The following ZNF143 variants were observed in gnomAD, a reference collection of about 807,000 sequenced individuals.
The protein encoded by ZNF143 is zinc finger protein 143.
In ZNF143, 49 loss-of-function variants were observed where a neutral mutation model predicts 74.1. The observed-to-expected ratio is 0.66, with a 90% CI of 0.53 to 0.84. The LOEUF is 0.84. Among genes scored for constraint, ZNF143 ranks in the 40% least tolerant of loss-of-function variants. The pLI is 0.00. For missense variants in ZNF143, 637 were observed against 793.4 expected (o/e 0.80, Z 2.37); for synonymous variants, 304 against 282.8 (o/e 1.07, Z -0.75).
chr11:9,520,504 A>G (rs1360310905), intron 14 of ZNF143, among the ~76,000 whole-genome samples: 1 of 151,914 alleles, frequency 6.6e-6, no homozygotes, highest in Non-Finnish European at 1.5e-5. Context: ...AAAAAAAATA[A>G]AAAAGAGGCC....
Position 9,528,063 on chromosome 11 carries a change from C to G in ZNF143, c.*450C>G, listed in dbSNP as rs1469503052. 6.5e-6 allele frequency: 1 copy of G among 153,410 alleles called. No individual in the cohort carries two copies. 9.5% of individuals were successfully genotyped at this position (153,410 alleles called of 1,614,324 possible). On this transcript the variant is annotated 3_prime_UTR_variant, in exon 16 of 16. Coordinates refer to ENST00000396602, the MANE Select transcript of ZNF143 (RefSeq NM_003442.6). ...GGGTGTAAAGCCTTCAGATATTTCC[C>G]CAGTTAGTAGAGTGTCTGCGGTTTT...
intron 1 of ZNF143, among the ~76,000 whole-genome samples, chr11:9,464,100 G>C (rs983845177): frequency 6.6e-6 from 1 of 151,628 alleles, no homozygotes; most frequent in Non-Finnish European, 1.5e-5. Flanking sequence ...GTGTGTGTGT[G>C]TGTGTGTGTG....
At chr11:9,510,555 G>T (rs939315118) in intron 12 of ZNF143, among the ~76,000 whole-genome samples, 2 of 152,178 alleles carry the variant, frequency 1.3e-5, no homozygotes, top group Non-Finnish European at 2.9e-5. Context: ...GATCCACTGG[G>T]TTTTGTAACC....
At position 9,472,450 on chromosome 11, in the gene ZNF143, C is replaced by T. The variant is rs186478935; in HGVS notation, c.113-227C>T. ...TATATTTTTAGTAGAGACGGGGTTT[C>T]ACCTCATTGGCCAGGCTGGTGTCGA... On this transcript the variant is annotated intron_variant, in intron 2 of 15. Coordinates refer to ENST00000396602, the MANE Select transcript of ZNF143 (RefSeq NM_003442.6). Among the ~76,000 whole-genome samples, 395 of 152,260 alleles carry T rather than the reference C, an allele frequency of 2.6e-3. 1 individual carries two copies. The highest frequency in any genetic ancestry group is 9.2e-3 in the African/African-American group (381 of 41,560).
intron 14 of ZNF143, among the ~76,000 whole-genome samples, chr11:9,518,478 C>G (rs1848797159): frequency 6.6e-6 from 1 of 152,086 alleles, no homozygotes; most frequent in African/African-American, 2.4e-5. Context: ...TTTGGGAGGC[C>G]GAGGTGGGTG....
At position 9,516,228 on chromosome 11, in the gene ZNF143, G is replaced by T. The variant is rs780369599; in HGVS notation, c.1552G>T (p.Ala518Ser). ...HVNISQADMQ[A>S]IGNTITMVTQ... is the part of the protein sequence containing the mutation. ...CAACATATCTCAAGCTGACATGCAGGCCATTGGCAACACCATCACAATGGT... is the reference window on the plus strand; with the variant it reads ...CAACATATCTCAAGCTGACATGCAGTCCATTGGCAACACCATCACAATGGT... The change falls in exon 14 of 16, where the codon GCC (alanine) becomes TCC (serine). Residue 518 changes from alanine to serine, a missense_variant. By Grantham distance (99) the Ala-to-Ser change is moderately conservative. Around this residue, in one of 2 missense-constraint regions of ZNF143, gnomAD observed 344 missense variants for 485.6 expected, o/e 0.71. Transcript: ENST00000396602. 48 of 1,613,958 alleles carry T rather than the reference G, an allele frequency of 3.0e-5. No individual in the cohort carries two copies. The South Asian group carries it at 4.7e-4, about 16-fold the overall frequency.
At chr11:9,486,439 A>ATTT (rs1343381933) in intron 7 of ZNF143, among the ~76,000 whole-genome samples, 1 of 23,134 alleles carries the variant, frequency 4.3e-5, no homozygotes, top group Admixed American at 9.2e-4. Flanking sequence ...TTATATATAT[A>ATTT]ATATATTATA....
At chr11:9,464,996 A>G (rs984037978) in intron 1 of ZNF143, among the ~76,000 whole-genome samples, 2 of 152,208 alleles carry the variant, frequency 1.3e-5, no homozygotes, top group Non-Finnish European at 2.9e-5. Context: ...AAAAGTGATC[A>G]TTGTGAAGAA....
At chr11:9,465,030 A>G (rs1397544585) in intron 1 of ZNF143, among the ~76,000 whole-genome samples, 1 of 152,244 alleles carries the variant, frequency 6.6e-6, no homozygotes, top group African/African-American at 2.4e-5. Context: ...AGGAAAATTT[A>G]TAGGAATAAA....
intron 1 of ZNF143, among the ~76,000 whole-genome samples, 190 bp downstream of exon 1, chr11:9,461,266 C>T (rs576995842): frequency 5.2e-4 from 79 of 152,230 alleles, no homozygotes; most frequent in African/African-American, 1.8e-3. Context: ...TTATTAATAA[C>T]CCGCGGCCGC....
rs1161631546 is a variant in ZNF143 at position 9,478,378 on chromosome 11, C to G, written c.374-12C>G. ...ACCTTTAATTTAATGGCATTCTCTT[C>G]CACTCTCTCAGATAGTTATGACCAG... is the stretch of plus-strand genomic sequence containing the variant. On this transcript the variant is annotated splice_polypyrimidine_tract_variant and intron_variant, in intron 5 of 15. Transcript: ENST00000396602. 6.3e-7 allele frequency: 1 copy of G among 1,597,794 alleles called. No homozygotes were observed. The highest frequency in any genetic ancestry group is 1.3e-5 in the African/African-American group (1 of 74,666).
intron 10 of ZNF143, among the ~76,000 whole-genome samples, chr11:9,499,611 G>A (rs1359863436): frequency 1.3e-5 from 2 of 152,192 alleles, no homozygotes; most frequent in Non-Finnish European, 2.9e-5. Flanking sequence ...AGGCTGAGGT[G>A]TGAGGATTGC....
chr11:9,503,067 G>A (rs988922860), intron 11 of ZNF143, among the ~76,000 whole-genome samples: 1 of 152,082 alleles, frequency 6.6e-6, no homozygotes, highest in Admixed American at 6.6e-5. Context: ...TCCTGACCTC[G>A]TGATCCACCT....
chr11:9,473,842 T>G (rs1856727568), intron 3 of ZNF143, 99 bp from the exon 4 acceptor site: 1 of 1,606,924 alleles, frequency 6.2e-7, no homozygotes, highest in Non-Finnish European at 8.5e-7. Context: ...AACACGAGCT[T>G]AAGTTGTGTA....
chr11:9,522,386 T>TG (rs1452533994), intron 14 of ZNF143, among the ~76,000 whole-genome samples: 2 of 151,776 alleles, frequency 1.3e-5, no homozygotes, highest in South Asian at 2.1e-4. Context: ...CCACTGCTTC[T>TG]GGGGAAAAAA....
intron 5 of ZNF143, among the ~76,000 whole-genome samples, chr11:9,477,014 A>G (rs1423986613): frequency 2.0e-5 from 3 of 150,066 alleles, no homozygotes; most frequent in African/African-American, 4.9e-5. Context: ...TGCCCTCCTC[A>G]GCCTCCCAAA....
intron 12 of ZNF143, 42 bp downstream of exon 12, chr11:9,508,888 A>C: frequency 6.6e-7 from 1 of 1,523,396 alleles, no homozygotes; most frequent in Middle Eastern, 1.7e-4. Context: ...GAGTTTGAGA[A>C]TCAACAGTTA....
At chr11:9,477,519 T>C (rs1857007678) in intron 5 of ZNF143, among the ~76,000 whole-genome samples, 1 of 152,118 alleles carries the variant, frequency 6.6e-6, no homozygotes, top group African/African-American at 2.4e-5. Flanking sequence ...CCTCCCAAAG[T>C]GTTGGGATTA....
chr11:9,494,462 C>T (rs1262691719), intron 7 of ZNF143, among the ~76,000 whole-genome samples, 184 bp from the exon 8 acceptor site: 2 of 152,048 alleles, frequency 1.3e-5, no homozygotes, highest in African/African-American at 4.8e-5. Flanking sequence ...TGCACCACTA[C>T]ACCTGGCTAA....
Sources: gnomAD v4.1 joint callset for allele counts (sites outside exome capture counted in the v4.1 genomes callset) on GRCh38, gnomAD v4.1.1 for gene constraint, gnomAD v4.1.1 regional missense constraint, MANE v1.5 for transcripts, NCBI Gene and HGNC (gene_info 2026-07-23, HGNC 2026-07-21) for gene names.